The following NXPE3 variants were observed in gnomAD, a reference collection of about 807,000 sequenced individuals.
NXPE3 encodes the protein neurexophilin and PC-esterase domain family member 3.
Under a neutral mutation model 46.1 loss-of-function variants are expected in NXPE3, and 26 were observed. That is an observed-to-expected ratio of 0.56 (90% CI 0.41 to 0.78). The LOEUF is 0.78. Among genes scored for constraint, NXPE3 ranks in the 30% least tolerant of loss-of-function variants. The pLI is 0.00. For missense variants in NXPE3, 620 were observed against 686.0 expected (o/e 0.90, Z 1.07); for synonymous variants, 272 against 257.9 (o/e 1.05, Z -0.52).
At chr3:101,795,436 T>C (rs1940772156) in intron 4 of NXPE3, among the ~76,000 whole-genome samples, 1 of 151,568 alleles carries the variant, frequency 6.6e-6, no homozygotes, top group East Asian at 1.9e-4. Flanking sequence ...GAGAATCACT[T>C]GAATCTGGGT....
At chr3:101,789,824 G>GC (rs1940400495) in intron 4 of NXPE3, among the ~76,000 whole-genome samples, 1 of 151,920 alleles carries the variant, frequency 6.6e-6, no homozygotes, top group African/African-American at 2.4e-5. Context: ...CCAAGTAACT[G>GC]GGACTACAGG....
intron 6 of NXPE3, among the ~76,000 whole-genome samples, chr3:101,814,371 C>T (rs367685010): frequency 1.2e-4 from 19 of 152,150 alleles, no homozygotes; most frequent in African/African-American, 3.9e-4. Context: ...TACATGCCCC[C>T]GACAATTTTT....
Position 101,811,008 on chromosome 3 carries a change from C to T in NXPE3, c.922+3882C>T, listed in dbSNP as rs567499666. On this transcript the variant is annotated intron_variant, in intron 6 of 7. Transcript: ENST00000273347. ...CTAATTTTTCTGTTTTTAGTAGAGA[C>T]GGGGTTTTCACTGTGTTGGCCAGGC... Among the ~76,000 whole-genome samples, 47 of 152,116 alleles carry T rather than the reference C, an allele frequency of 3.1e-4. No homozygotes were observed. In the South Asian group the frequency reaches 3.5e-3, roughly 11 times the overall value.
intron 1 of NXPE3, among the ~76,000 whole-genome samples, chr3:101,781,340 C>G (rs1271480645): frequency 1.3e-5 from 2 of 152,164 alleles, no homozygotes; most frequent in Non-Finnish European, 2.9e-5. Flanking sequence ...GATAGGGTTG[C>G]TGTCTGATTT....
intron 7 of NXPE3, among the ~76,000 whole-genome samples, chr3:101,818,290 A>G (rs1460008670): frequency 6.6e-6 from 1 of 152,172 alleles, no homozygotes; most frequent in African/African-American, 2.4e-5. Context: ...ATTGAAACAG[A>G]TATAACTAAG....
rs1942435747 is a variant in NXPE3, at chr3:101,825,150, C to G, written c.*3196C>G. 1 of 152,176 alleles carries G rather than the reference C, an allele frequency of 6.6e-6. No individual in the cohort carries two copies. The highest frequency in any genetic ancestry group is 2.4e-5 in the African/African-American group (1 of 41,440). 9.4% of individuals were successfully genotyped at this position (152,176 alleles called of 1,614,324 possible). On this transcript the variant is annotated 3_prime_UTR_variant, in exon 8 of 8. Transcript: ENST00000273347. Reference sequence around the variant, plus strand: ...GTAATTTTTCCTGATCCTCTCCCTCCTCCTACCCTCCACCCTCCAATAGAC... The same window carrying G: ...GTAATTTTTCCTGATCCTCTCCCTCGTCCTACCCTCCACCCTCCAATAGAC...
rs1942417003 is a variant in NXPE3, at chr3:101,824,776, T to G, written c.*2822T>G. The G allele has an allele frequency of 6.6e-6, 1 of 152,172 alleles. No individual in the cohort carries two copies. The highest frequency in any genetic ancestry group is 2.4e-5 in the African/African-American group (1 of 41,422). 9.4% of individuals were successfully genotyped at this position (152,172 alleles called of 1,614,324 possible). Reference sequence around the variant, plus strand: ...TTCTTGTCGTGAAAGAACTTGACATTTCCTCAAGGATTTATAAAGGAGGCT... The same window carrying G: ...TTCTTGTCGTGAAAGAACTTGACATGTCCTCAAGGATTTATAAAGGAGGCT... On this transcript the variant is annotated 3_prime_UTR_variant, in exon 8 of 8. Coordinates refer to ENST00000273347, the MANE Select transcript of NXPE3 (RefSeq NM_145037.4).
chr3:101,809,695 A>G (rs981602879), intron 6 of NXPE3, among the ~76,000 whole-genome samples: 1 of 152,204 alleles, frequency 6.6e-6, no homozygotes, highest in Non-Finnish European at 1.5e-5. Flanking sequence ...AAAAAATTAT[A>G]ATCCAATCCA....
At chr3:101,819,167 G>A (rs1369328583) in intron 7 of NXPE3, among the ~76,000 whole-genome samples, 1 of 152,138 alleles carries the variant, frequency 6.6e-6, no homozygotes. Flanking sequence ...CTGGCTTGTA[G>A]CACCTATAGT....
At chr3:101,797,873 C>T (rs1392516470) in intron 4 of NXPE3, among the ~76,000 whole-genome samples, 2 of 49,202 alleles carry the variant, frequency 4.1e-5, no homozygotes, top group Admixed American at 2.5e-4. Flanking sequence ...TGAATAATGC[C>T]GCAATAAACA....
chr3:101,810,350 T>C (rs1941650560), intron 6 of NXPE3, among the ~76,000 whole-genome samples: 2 of 152,216 alleles, frequency 1.3e-5, no homozygotes, highest in African/African-American at 4.8e-5. Context: ...AGCAACAGTA[T>C]AGATAAGAAC....
intron 6 of NXPE3, among the ~76,000 whole-genome samples, chr3:101,811,365 T>C (rs1488835339): frequency 1.3e-5 from 2 of 152,224 alleles, no homozygotes; most frequent in Admixed American, 6.5e-5. Flanking sequence ...TTAGAACATA[T>C]AGGATGTTTC....
At chr3:101,788,458 A>G in intron 4 of NXPE3, among the ~76,000 whole-genome samples, 1 of 152,208 alleles carries the variant, frequency 6.6e-6, no homozygotes, top group East Asian at 1.9e-4. Flanking sequence ...ACCAAATTCA[A>G]TGTTGTAAGA....
Position 101,798,231 on chromosome 3 carries a change from A to G in NXPE3, c.94-3004A>G, listed in dbSNP as rs9826221. On this transcript the variant is annotated intron_variant, in intron 4 of 7. Transcript: ENST00000273347. Reference sequence around the variant, plus strand: ...GGCTTATTAAGCTATTCTTTGCCTCAGTTTCCTTGTCTCTAAAATGGACAT... The same window carrying G: ...GGCTTATTAAGCTATTCTTTGCCTCGGTTTCCTTGTCTCTAAAATGGACAT... Among the ~76,000 whole-genome samples, 156 of 152,300 alleles carry G rather than the reference A, an allele frequency of 1.0e-3. 1 individual carries two copies. Among genetic ancestry groups the G allele is most frequent in the African/African-American group, 3.6e-3 (148 of 41,566 alleles).
chr3:101,790,533 A>G (rs1940449485), intron 4 of NXPE3, among the ~76,000 whole-genome samples: 1 of 152,196 alleles, frequency 6.6e-6, no homozygotes, highest in Non-Finnish European at 1.5e-5. Flanking sequence ...ATGATATTAT[A>G]TAACCACTCT....
chr3:101,811,128 C>T (rs2107327529), intron 6 of NXPE3, among the ~76,000 whole-genome samples: 1 of 152,172 alleles, frequency 6.6e-6, no homozygotes. Context: ...CCTTGAATGA[C>T]CTTTTTGAAG....
At chr3:101,794,235 G>T (rs1032599552) in intron 4 of NXPE3, among the ~76,000 whole-genome samples, 1 of 152,066 alleles carries the variant, frequency 6.6e-6, no homozygotes, top group Non-Finnish European at 1.5e-5. Context: ...AAGCTGAAGG[G>T]GGGAGGAGAG....
At chr3:101,781,123 CT>C (rs1156591583) in intron 1 of NXPE3, among the ~76,000 whole-genome samples, 1 of 151,870 alleles carries the variant, frequency 6.6e-6, no homozygotes, top group Non-Finnish European at 1.5e-5. Context: ...TAAATCTGTG[CT>C]TTTGTCTCTT....
At chr3:101,809,709 C>A in intron 6 of NXPE3, among the ~76,000 whole-genome samples, 1 of 152,154 alleles carries the variant, frequency 6.6e-6, no homozygotes, top group Admixed American at 6.5e-5. Context: ...CAATCCAATT[C>A]AATCATTATT....
Sources: allele counts gnomAD v4.1 joint callset (sites outside exome capture counted in the v4.1 genomes callset), GRCh38; gene constraint gnomAD v4.1.1; transcripts MANE v1.5; gene names NCBI Gene and HGNC (gene_info 2026-07-23, HGNC 2026-07-21).